Variants in WDR25 observed in about 807,000 individuals in gnomAD.
WDR25 encodes WD repeat domain 25, also known as WD repeat-containing protein 25.
Under a neutral mutation model 47.7 loss-of-function variants are expected in WDR25, and 35 were observed. The ratio of observed to expected loss-of-function variants is 0.73; its 90% CI spans 0.56 to 0.97. The LOEUF (loss-of-function observed/expected upper bound fraction) is 0.97. Among genes scored for constraint, WDR25 ranks in the 50% least tolerant of loss-of-function variants. The probability of loss-of-function intolerance (pLI) is 0.00; values close to 1 mark genes in which losing one functional copy is unlikely to be tolerated. For synonymous variants in WDR25, 248 were observed against 278.9 expected, an observed-to-expected ratio of 0.89 and a Z score of 1.10; for missense variants, 634 against 704.7, an observed-to-expected ratio of 0.90 and a Z score of 1.14.
intron 2 of WDR25, among the ~76,000 whole-genome samples, chr14:100,418,929 C>G (rs990789499): frequency 6.6e-6 from 1 of 151,316 alleles, no homozygotes; most frequent in Non-Finnish European, 1.5e-5. Context: ...TAAGTAAGTT[C>G]TATTTCTAGG....
intron 2 of WDR25, among the ~76,000 whole-genome samples, chr14:100,447,611 C>A (rs1235387222): frequency 6.6e-6 from 1 of 152,216 alleles, no homozygotes; most frequent in East Asian, 1.9e-4. Context: ...TGTTTGGTGG[C>A]ACCAGACATG....
chr14:100,424,593 G>T lies in WDR25; in HGVS notation c.822+42847G>T, dbSNP rs1324434645. ...CTGCCTGTGGAGTCTGGGGCCCAGG[G>T]CCCTGCTGCCTGTCCAGTGTTTGCG... On this transcript the variant is annotated intron_variant, in intron 2 of 6. Coordinates refer to ENST00000402312, the MANE Select transcript of WDR25 (RefSeq NM_001161476.3). This position sits in a 1 kb window ranked among gnomAD's most constrained non-coding sequence, Gnocchi z 4.2. 6.6e-6 allele frequency among the ~76,000 whole-genome samples: 1 copy of T among 152,194 alleles called. No homozygotes were observed. Among genetic ancestry groups the T allele is most frequent in the East Asian group, 1.9e-4 (1 of 5,194 alleles).
At chr14:100,518,387 T>G (rs1901580029) in intron 4 of WDR25, among the ~76,000 whole-genome samples, 1 of 152,130 alleles carries the variant, frequency 6.6e-6, no homozygotes, top group African/African-American at 2.4e-5. Context: ...TTTTTTTTCC[T>G]GGGCACTGTC....
At chr14:100,518,757 A>C (rs1234256443) in intron 4 of WDR25, among the ~76,000 whole-genome samples, 2 of 151,952 alleles carry the variant, frequency 1.3e-5, no homozygotes, top group Non-Finnish European at 2.9e-5. Flanking sequence ...CAGGCATTGC[A>C]ACGTGTGCCT....
chr14:100,525,253 TAAAATCCTCTA>T lies in WDR25; in HGVS notation c.1102-615_1102-605del, dbSNP rs1167393164. Among the ~76,000 whole-genome samples, 1 of 152,232 alleles carries T rather than the reference TAAAATCCTCTA, an allele frequency of 6.6e-6. No homozygotes were observed. Among genetic ancestry groups the T allele is most frequent in the Non-Finnish European group, 1.5e-5 (1 of 68,038 alleles). ...ACTTGAGAGCAGAAGCTGAATGTGA[TAAAATCCTCTA>T]AGAAAGCAAAACAACTGCTCAATAC... On this transcript the variant is annotated intron_variant, in intron 4 of 6. Transcript: ENST00000402312. The surrounding 1 kb of genome is among the most constrained non-coding windows in gnomAD (Gnocchi z 4.6).
chr14:100,441,398 GC>G (rs953640724), intron 2 of WDR25, among the ~76,000 whole-genome samples: 4 of 152,124 alleles, frequency 2.6e-5, no homozygotes, highest in African/African-American at 9.7e-5. Flanking sequence ...GGCAGGGAAG[GC>G]AGTGCAGGGG....
At chr14:100,464,703 TC>T (rs1429401378) in intron 2 of WDR25, among the ~76,000 whole-genome samples, 2 of 94,304 alleles carry the variant, frequency 2.1e-5, no homozygotes, top group African/African-American at 4.3e-5. Flanking sequence ...CCCCATCTCA[TC>T]CTCCCCTACC....
intron 2 of WDR25, among the ~76,000 whole-genome samples, chr14:100,414,292 G>A (rs1348483173): frequency 2.0e-5 from 3 of 148,372 alleles, no homozygotes; most frequent in Non-Finnish European, 3.0e-5. Flanking sequence ...ATGAGCCACC[G>A]CGCCCAGCCT....
chr14:100,381,721 C>T lies in WDR25; in HGVS notation c.797C>T (p.Ser266Phe), dbSNP rs747597328. The change falls in exon 2 of 7, where the codon TCC becomes TTC. Residue 266 changes from serine to phenylalanine, a missense_variant. Physicochemically the swap from Ser to Phe is radical, Grantham distance 155. Transcript: ENST00000402312. ...CTTTCTAAGAGCCACATGCTTCTCT[C>T]CACTTCTATGGATAAAACTTTCAAG... Reference protein sequence around the residue: ...PVLSKSHMLLSTSMDKTFKVW... With the variant: ...PVLSKSHMLLFTSMDKTFKVW... 6 of 1,608,458 alleles carry T rather than the reference C, an allele frequency of 3.7e-6. No individual in the cohort carries two copies. The highest frequency in any genetic ancestry group is 4.2e-6 in the Non-Finnish European group (5 of 1,177,912).
Position 100,491,223 on chromosome 14 carries a change from A to G in WDR25, c.1101+7099A>G, listed in dbSNP as rs143470368. ...GCTGCCACCATCCCCTTCCTCTGTC[A>G]GGGCCCTGAGGCTCGGAAGGGCTCA... On this transcript the variant is annotated intron_variant, in intron 4 of 6. Transcript: ENST00000402312. Among the ~76,000 whole-genome samples, 1,468 of 152,300 alleles carry G rather than the reference A, an allele frequency of 9.6e-3. 19 individuals are homozygous for G. Among genetic ancestry groups the G allele is most frequent in the African/African-American group, 0.033 (1,379 of 41,560 alleles).
At chr14:100,388,512 G>A (rs1307486806) in intron 2 of WDR25, among the ~76,000 whole-genome samples, 2 of 152,212 alleles carry the variant, frequency 1.3e-5, no homozygotes, top group African/African-American at 4.8e-5. Flanking sequence ...TTGGGAGTGT[G>A]GGGCTTTAGA....
intron 2 of WDR25, chr14:100,454,391 G>A: frequency 7.8e-7 from 1 of 1,287,192 alleles, no homozygotes; most frequent in Non-Finnish European, 1.0e-6. Context: ...GAGGAGGTGG[G>A]GTGAAGTGTT....
rs1901128795 is a variant in WDR25, at chr14:100,506,862, T to C, written c.1102-19008T>C. On this transcript the variant is annotated intron_variant, in intron 4 of 6. Transcript: ENST00000402312. This position sits in a 1 kb window ranked among gnomAD's most constrained non-coding sequence, Gnocchi z 4.8. ...GCAAATATTTCTCCTATTCTGTAGG[T>C]TGTCTGTTTACTCTCTGGATAGTTT... 6.6e-6 allele frequency among the ~76,000 whole-genome samples: 1 copy of C among 152,176 alleles called. No homozygotes were observed. The highest frequency in any genetic ancestry group is 2.1e-4 in the South Asian group (1 of 4,832).
chr14:100,529,333 G>C lies in WDR25; in HGVS notation c.1413+125G>C, dbSNP rs1423261303. On this transcript the variant is annotated intron_variant, in intron 6 of 6. Transcript: ENST00000402312. The surrounding 1 kb of genome is among the most constrained non-coding windows in gnomAD (Gnocchi z 5.1). Reference sequence around the variant, plus strand: ...GGTGGATCCTGCTTTCTGTTTCCTGGGTGAGCGCATGCCATGTGGCTCACT... The same window carrying C: ...GGTGGATCCTGCTTTCTGTTTCCTGCGTGAGCGCATGCCATGTGGCTCACT... 1 of 1,429,280 alleles carries C rather than the reference G, an allele frequency of 7.0e-7. No homozygotes were observed. The highest frequency in any genetic ancestry group is 2.5e-5 in the East Asian group (1 of 40,564). 88.5% of individuals were successfully genotyped at this position (1,429,280 alleles called of 1,614,324 possible). A position where few individuals can be genotyped will look rare whatever the true frequency, so the allele number is the denominator to read the frequency against.
chr14:100,520,269 T>A (rs1006736464), intron 4 of WDR25, among the ~76,000 whole-genome samples: 2 of 152,094 alleles, frequency 1.3e-5, no homozygotes, highest in East Asian at 3.9e-4. Flanking sequence ...TTATACTGAT[T>A]TTTCCAATTC....
intron 2 of WDR25, among the ~76,000 whole-genome samples, chr14:100,459,200 T>C (rs1440032656): frequency 1.3e-5 from 2 of 152,238 alleles, no homozygotes; most frequent in African/African-American, 2.4e-5. Context: ...GACCTAATTA[T>C]AGATACTGCA....
In WDR25 at chr14:100,449,342, G is replaced by A. The variant is rs1472956462; in HGVS notation, c.823-18679G>A. Among the ~76,000 whole-genome samples, 1 of 152,256 alleles carries A rather than the reference G, an allele frequency of 6.6e-6. No individual in the cohort carries two copies. The highest frequency in any genetic ancestry group is 1.5e-5 in the Non-Finnish European group (1 of 68,034). The stretch of plus-strand genomic sequence containing the variant: ...CCTGTTGGAGCCTGGCTACAGGGCT[G>A]CCCCGGGAGGCCTCCTTTGGGAGCA... On this transcript the variant is annotated intron_variant, in intron 2 of 6. Coordinates refer to ENST00000402312, the MANE Select transcript of WDR25 (RefSeq NM_001161476.3). The surrounding 1 kb of genome is among the most constrained non-coding windows in gnomAD (Gnocchi z 4.2).
chr14:100,480,983 G>A, intron 3 of WDR25: 5 of 430,954 alleles, frequency 1.2e-5, no homozygotes, highest in South Asian at 5.4e-5. Context: ...TGCTGAAGGG[G>A]CCACCAAGGA....
At position 100,381,631 on chromosome 14, in the gene WDR25, G is replaced by A. The variant is rs529670593; in HGVS notation, c.707G>A (p.Arg236Gln). Reference sequence around the variant, plus strand: ...CATTATAAAGAAACCACAGTTCCCCGGAAAGTGCTTTTCCACCTGAGAGGC... The same window carrying A: ...CATTATAAAGAAACCACAGTTCCCCAGAAAGTGCTTTTCCACCTGAGAGGC... The part of the protein sequence containing the change: ...NSHYKETTVP[R>Q]KVLFHLRGHR... The change falls in exon 2 of 7, where the codon CGG becomes CAG. Residue 236 changes from arginine (R) to glutamine (Q), a missense_variant. Arg to Gln is a conservative substitution (Grantham distance 43). Coordinates refer to ENST00000402312, the MANE Select transcript of WDR25 (RefSeq NM_001161476.3). 3.8e-5 allele frequency: 62 copies of A among 1,614,144 alleles called. 1 individual carries two copies. In the Admixed American group the frequency reaches 4.3e-4, roughly 11 times the overall value.
Sources: allele counts gnomAD v4.1 joint callset (sites outside exome capture counted in the v4.1 genomes callset), GRCh38; gene constraint gnomAD v4.1.1; non-coding constraint Gnocchi (gnomAD v3.1); transcripts MANE v1.5; gene names NCBI Gene and HGNC (gene_info 2026-07-23, HGNC 2026-07-21).